The following MUC17 variants were observed in gnomAD, a reference collection of about 807,000 sequenced individuals.
MUC17 encodes the protein mucin 17, cell surface associated.
In MUC17, 190 loss-of-function variants were observed where a neutral mutation model predicts 170.3. The observed-to-expected ratio is 1.12, with a 90% CI of 0.99 to 1.26. MUC17 has a LOEUF of 1.26. Among genes scored for constraint, MUC17 ranks in the 50% most tolerant of loss-of-function variants. The pLI is 0.00. For missense variants in MUC17, 6,415 were observed against 5,530.0 expected (o/e 1.16, Z -5.08); for synonymous variants, 2,325 against 2,002.5 (o/e 1.16, Z -4.30).
At position 101,041,860 on chromosome 7, in the gene MUC17, C is replaced by G. The variant is rs1794717207; in HGVS notation, c.10444C>G (p.Pro3482Ala). 1 of 1,613,998 alleles carries G rather than the reference C, an allele frequency of 6.2e-7. No homozygotes were observed. Among genetic ancestry groups the G allele is most frequent in the African/African-American group, 1.3e-5 (1 of 74,994 alleles). The change falls in exon 3 of 13, where the codon CCT becomes GCT. Residue 3482 changes from proline to alanine, a missense_variant. Transcript: ENST00000306151. ...SSEASTLSTT[P>A]VDTSTPVTTS... ...TGAGGCTAGCACCCTTTCAACAACT[C>G]CTGTTGACACCAGCACACCTGTGAC...
rs745875181 is a variant in MUC17 at position 101,037,115 on chromosome 7, C to A, written c.5699C>A (p.Thr1900Asn). The change falls in exon 3 of 13, where the codon ACT becomes AAT. Residue 1900 changes from threonine to asparagine, a missense_variant. Thr to Asn is a moderately conservative substitution (Grantham distance 65). Transcript: ENST00000306151. ...TPAVTSTPVT[T>N]YAQVSSSPTT... is the part of the protein sequence containing the mutation. The stretch of plus-strand genomic sequence containing the variant: ...GCTGTCACCAGCACACCTGTGACCA[C>A]TTATGCTCAAGTCAGTTCATCTCCT... 33 of 1,586,744 alleles carry A rather than the reference C, an allele frequency of 2.1e-5. No individual in the cohort carries two copies. Among genetic ancestry groups the A allele is most frequent in the Non-Finnish European group, 2.8e-5 (33 of 1,178,706 alleles).
intron 1 of MUC17, among the ~76,000 whole-genome samples, chr7:101,026,495 G>A (rs914471753): frequency 6.6e-6 from 1 of 152,222 alleles, no homozygotes; most frequent in Admixed American, 6.5e-5. Context: ...AGATAATGGG[G>A]CTGAGACCTC....
chr7:101,020,171 G>C lies in MUC17; in HGVS notation c.36G>C (p.Leu12=), dbSNP rs376343758. 7.2e-5 allele frequency: 116 copies of C among 1,609,116 alleles called. No homozygotes were observed. The Middle Eastern group carries it at 2.1e-3, about 30-fold the overall frequency. Residue 12 remains leucine, a synonymous_variant, in exon 1 of 13, where the codon CTG becomes CTC. Transcript: ENST00000306151. ...PRPGTMALCL[L]TLVLSLLPPQ... is the part of the protein sequence containing the mutation. The stretch of plus-strand genomic sequence containing the variant: ...CAGGGACCATGGCGCTGTGTCTGCT[G>C]ACCTTGGTCCTCTCGCTCTTGCCCC...
Position 101,040,893 on chromosome 7 carries a change from T to C in MUC17, c.9477T>C (p.Pro3159=), listed in dbSNP as rs1562816625. The C allele has an allele frequency of 6.2e-7, 1 of 1,613,842 alleles. No individual in the cohort carries two copies. The highest frequency in any genetic ancestry group is 1.1e-5 in the South Asian group (1 of 91,048). Residue 3159 remains proline, a synonymous_variant, in exon 3 of 13, where the codon CCT becomes CCC. Transcript: ENST00000306151. Reference sequence around the variant, plus strand: ...GTACCAGCATGCCAACCTCAACTCCTAGTGAAGGAAGTACTCCATTAACAT... The same window carrying C: ...GTACCAGCATGCCAACCTCAACTCCCAGTGAAGGAAGTACTCCATTAACAT... ...SEGTSMPTST[P]SEGSTPLTYM...
At chr7:101,028,850 T>C (rs898113251) in intron 1 of MUC17, among the ~76,000 whole-genome samples, 1 of 152,122 alleles carries the variant, frequency 6.6e-6, no homozygotes, top group Non-Finnish European at 1.5e-5. Context: ...ATTGCCCCAC[T>C]GCACTCCAGC....
Position 101,032,723 on chromosome 7 carries a change from C to T in MUC17, c.1307C>T (p.Thr436Ile). 6.3e-7 allele frequency: 1 copy of T among 1,578,624 alleles called. No individual in the cohort carries two copies. Among genetic ancestry groups the T allele is most frequent in the Non-Finnish European group, 8.7e-7 (1 of 1,155,542 alleles). The change falls in exon 3 of 13, where the codon ACT (threonine) becomes ATT (isoleucine). Residue 436 changes from threonine (T) to isoleucine (I), a missense_variant. Coordinates refer to ENST00000306151, the MANE Select transcript of MUC17 (RefSeq NM_001040105.2). ...TASEASSSPT[T>I]AEDTSIATST... ...AGTGAAGCCAGCTCATCTCCCACAA[C>T]TGCTGAAGATACCAGCATTGCAACC...
At chr7:101,022,924 CTG>C (rs1374305246) in intron 1 of MUC17, among the ~76,000 whole-genome samples, 1 of 152,174 alleles carries the variant, frequency 6.6e-6, no homozygotes, top group Non-Finnish European at 1.5e-5. Flanking sequence ...CCAGAAAAAA[CTG>C]TAGTTTTTGC....
chr7:101,055,570 C>CATT (rs202172789), intron 11 of MUC17, among the ~76,000 whole-genome samples: 2,458 of 152,218 alleles, frequency 0.016, 40 homozygotes, highest in Middle Eastern at 0.024. Flanking sequence ...ACAAATTCAC[C>CATT]AACATGGTAA....
At position 101,042,544 on chromosome 7, in the gene MUC17, G is replaced by C. The variant is rs370058081; in HGVS notation, c.11128G>C (p.Glu3710Gln). The C allele has an allele frequency of 3.7e-6, 6 of 1,614,036 alleles. No homozygotes were observed. The highest frequency in any genetic ancestry group is 4.2e-6 in the Non-Finnish European group (5 of 1,180,010). Residue 3710 changes from glutamate to glutamine, a missense_variant, in exon 3 of 13, where the codon GAG becomes CAG. Glu to Gln is a conservative substitution (Grantham distance 29, BLOSUM62 2). Coordinates refer to ENST00000306151, the MANE Select transcript of MUC17 (RefSeq NM_001040105.2). Reference sequence around the variant, plus strand: ...CAGCACCACACGTGTGACCAGCTCTGAGGGTAGCACCCTTTCAACACCTTC... The same window carrying C: ...CAGCACCACACGTGTGACCAGCTCTCAGGGTAGCACCCTTTCAACACCTTC... ...PVSTTRVTSS[E>Q]GSTLSTPSVV...
chr7:101,038,807 G>A lies in MUC17; in HGVS notation c.7391G>A (p.Ser2464Asn). Residue 2464 changes from serine (S) to asparagine (N), a missense_variant, in exon 3 of 13, where the codon AGC (serine) becomes AAC (asparagine). Coordinates refer to ENST00000306151, the MANE Select transcript of MUC17 (RefSeq NM_001040105.2). ...ACTCCGTTAGCAAGTATGCCTGTCAGCACCACGCCGGTGGTCAGTTCTGAG... is the reference window on the plus strand; with the variant it reads ...ACTCCGTTAGCAAGTATGCCTGTCAACACCACGCCGGTGGTCAGTTCTGAG... ...GTTPLASMPV[S>N]TTPVVSSEAG... 1.2e-6 allele frequency: 2 copies of A among 1,612,738 alleles called. No homozygotes were observed. Among genetic ancestry groups the A allele is most frequent in the Middle Eastern group, 1.7e-4 (1 of 6,052 alleles).
chr7:101,053,165 A>T lies in MUC17; in HGVS notation c.13265+18A>T, dbSNP rs776033063. ...GTGAAACGGTGAGCGAGCCCCTACC[A>T]CCTCCTCTTCCAACTCCCTCCAGCT... On this transcript the variant is annotated intron_variant, in intron 10 of 12. Coordinates refer to ENST00000306151, the MANE Select transcript of MUC17 (RefSeq NM_001040105.2). 6.2e-6 allele frequency: 10 copies of T among 1,607,874 alleles called. No individual in the cohort carries two copies. In the East Asian group the frequency reaches 2.2e-4, roughly 36 times the overall value.
intron 11 of MUC17, among the ~76,000 whole-genome samples, chr7:101,054,301 C>T (rs1795011160): frequency 6.6e-6 from 1 of 152,024 alleles, no homozygotes; most frequent in Admixed American, 6.6e-5. Context: ...CAGATTAGTG[C>T]TCGGGAGTGG....
intron 11 of MUC17, among the ~76,000 whole-genome samples, chr7:101,055,938 T>C (rs1416129665): frequency 2.0e-5 from 3 of 152,204 alleles, no homozygotes; most frequent in African/African-American, 7.2e-5. Flanking sequence ...GAGATTATAG[T>C]GAAAGTGAGA....
rs771774330 is a variant in MUC17, at chr7:101,039,487, A to C, written c.8071A>C (p.Ser2691Arg). 1 of 1,611,130 alleles carries C rather than the reference A, an allele frequency of 6.2e-7. No homozygotes were observed. The highest frequency in any genetic ancestry group is 1.6e-4 in the Middle Eastern group (1 of 6,070). The change falls in exon 3 of 13, where the codon AGC becomes CGC. Residue 2691 changes from serine (S) to arginine (R), a missense_variant. By Grantham distance (110) the Ser-to-Arg change is moderately radical. Coordinates refer to ENST00000306151, the MANE Select transcript of MUC17 (RefSeq NM_001040105.2). ...GCCAACCTCAACTCCTGGTGAAAGA[A>C]GCACTCCATTAACAAATATACTTGT... ...SMPTSTPGERSTPLTNILVST... is the reference protein window; with the variant it reads ...SMPTSTPGERRTPLTNILVST...
In MUC17 at chr7:101,048,972, G is replaced by A. The variant is rs368803241; in HGVS notation, c.12663G>A (p.Gln4221=). 3 of 1,614,026 alleles carry A rather than the reference G, an allele frequency of 1.9e-6. No homozygotes were observed. The African/African-American group carries it at 4.0e-5, about 22-fold the overall frequency. The change falls in exon 5 of 13, where the codon CAG becomes CAA. Residue 4221 remains glutamine, a splice_region_variant and synonymous_variant. Transcript: ENST00000306151. The stretch of plus-strand genomic sequence containing the variant: ...AGTTCAAACAGACATTCACGGAACA[G>A]GTAAGTCTGGGAGAGCAAGGCCCCA... ...FQEFKQTFTE[Q]MNIVYSGIPE... is the part of the protein sequence containing the mutation.
At chr7:101,021,716 G>A (rs979148392) in intron 1 of MUC17, among the ~76,000 whole-genome samples, 15 of 152,216 alleles carry the variant, frequency 9.9e-5, no homozygotes, top group East Asian at 1.9e-4. Flanking sequence ...TGGCTCCTCC[G>A]TCTCTGTGCC....
rs147611234 is a variant in MUC17, at chr7:101,040,514, G to T, written c.9098G>T (p.Gly3033Val). The T allele has an allele frequency of 1.4e-5, 23 of 1,610,374 alleles. No individual in the cohort carries two copies. In the African/African-American group the frequency reaches 3.0e-4, roughly 21 times the overall value. Reference protein sequence around the residue: ...EASSSPTTAEGTGIPISTPSE... With the variant: ...EASSSPTTAEVTGIPISTPSE... ...AGTTCCTCTCCTACAACTGCTGAAG[G>T]TACCGGCATACCAATCTCAACTCCT... Residue 3033 changes from glycine to valine, a missense_variant, in exon 3 of 13, where the codon GGT becomes GTT. By Grantham distance (109) the Gly-to-Val change is moderately radical. Transcript: ENST00000306151.
rs774967038 is a variant in MUC17, at chr7:101,043,815, A to G, written c.12399A>G (p.Thr4133=). 20 of 1,589,462 alleles carry G rather than the reference A, an allele frequency of 1.3e-5. No homozygotes were observed. Among genetic ancestry groups the G allele is most frequent in the Non-Finnish European group, 1.7e-5 (20 of 1,166,922 alleles). The change falls in exon 3 of 13, where the codon ACA becomes ACG. Residue 4133 remains threonine (T), a synonymous_variant. Coordinates refer to ENST00000306151, the MANE Select transcript of MUC17 (RefSeq NM_001040105.2). ...CAACTCCTACTGTGCCAAGAACCAC[A>G]ACATGTAAGTGATTTCTTGAATTTT... is the stretch of plus-strand genomic sequence containing the variant. ...PTSTPTVPRT[T]TCFGDGCQNT...
At chr7:101,030,931 C>T (rs1002184199) in intron 1 of MUC17, among the ~76,000 whole-genome samples, 189 bp from the exon 2 acceptor site, 1 of 152,144 alleles carries the variant, frequency 6.6e-6, no homozygotes, top group Non-Finnish European at 1.5e-5. Flanking sequence ...GGCTGGGGAG[C>T]AAATCCCCTG....
Sources: allele counts gnomAD v4.1 joint callset (sites outside exome capture counted in the v4.1 genomes callset), GRCh38; gene constraint gnomAD v4.1.1; transcripts MANE v1.5; gene names NCBI Gene and HGNC (gene_info 2026-07-23, HGNC 2026-07-21).